Variants in GALNT11 observed in about 807,000 individuals in gnomAD.
GALNT11 encodes polypeptide N-acetylgalactosaminyltransferase 11, also known as UDP-GalNAc:polypeptide N-acetylgalactosaminyltransferase 11.
GALNT11 carries 47 observed loss-of-function variants against 72.7 expected under a neutral mutation model. That is an observed-to-expected ratio of 0.65 (90% CI 0.51 to 0.82). The LOEUF (loss-of-function observed/expected upper bound fraction) is 0.82. Ranked by LOEUF, GALNT11 falls within the 40% of genes least tolerant of loss-of-function variation. The probability of loss-of-function intolerance (pLI) is 0.00; values close to 1 mark genes in which losing one functional copy is unlikely to be tolerated. For missense variants in GALNT11, 677 were observed against 778.4 expected, an observed-to-expected ratio of 0.87 and a Z score of 1.55; for synonymous variants, 270 against 286.6, an observed-to-expected ratio of 0.94 and a Z score of 0.58.
intron 1 of GALNT11, among the ~76,000 whole-genome samples, chr7:152,030,363 C>T (rs1046312852): frequency 1.8e-4 from 27 of 152,110 alleles, no homozygotes; most frequent in African/African-American, 6.3e-4. Flanking sequence ...CACTATGTCC[C>T]CTCAGCTCCT....
intron 1 of GALNT11, among the ~76,000 whole-genome samples, chr7:152,083,405 A>G (rs1299401364): frequency 6.6e-6 from 1 of 152,136 alleles, no homozygotes; most frequent in Non-Finnish European, 1.5e-5. Context: ...ATTTAGTTGA[A>G]AGTCATTCAT....
chr7:152,105,401 G>GT, intron 5 of GALNT11, 31 bp downstream of exon 5: 1 of 1,599,230 alleles, frequency 6.3e-7, no homozygotes, highest in East Asian at 2.2e-5. Context: ...TGCTCTACAG[G>GT]TGTTGGATGA....
At chr7:152,107,671 C>T (rs1279556842) in intron 5 of GALNT11, 3 of 179,844 alleles carry the variant, frequency 1.7e-5, no homozygotes, top group Non-Finnish European at 3.6e-5. Context: ...AACTGGCCAC[C>T]GTCATGGCAC....
chr7:152,086,181 C>A (rs971573689), intron 1 of GALNT11, among the ~76,000 whole-genome samples: 3 of 151,932 alleles, frequency 2.0e-5, no homozygotes, highest in Non-Finnish European at 4.4e-5. Flanking sequence ...CCACCACACC[C>A]GGCCCAATTT....
chr7:152,077,735 A>G lies in GALNT11; in HGVS notation c.-38-16455A>G, dbSNP rs546465498. On this transcript the variant is annotated intron_variant, in intron 1 of 11. Transcript: ENST00000430044. ...AATTATTTCTGAAATGATTTTTCAA[A>G]TAGTGTCCACCATACCACCAAGTCA... is the stretch of plus-strand genomic sequence containing the variant. Among the ~76,000 whole-genome samples the G allele has an allele frequency of 7.2e-5, 11 of 152,258 alleles. No homozygotes were observed. The East Asian group carries it at 9.7e-4, about 13-fold the overall frequency.
At chr7:152,047,402 T>C (rs2083183100) in intron 1 of GALNT11, among the ~76,000 whole-genome samples, 2 of 152,052 alleles carry the variant, frequency 1.3e-5, no homozygotes, top group Non-Finnish European at 2.9e-5. Context: ...AAGCGGAGGT[T>C]GTAGTGAGCC....
In GALNT11 at chr7:152,099,530, GTTTTTTTTTTTTTTTTTT is replaced by G. The variant is rs1009548038; in HGVS notation, c.296-1256_296-1239del. Among the ~76,000 whole-genome samples the G allele has an allele frequency of 3.3e-4, 19 of 57,784 alleles. No homozygotes were observed. In the South Asian group the frequency reaches 8.6e-3, roughly 26 times the overall value. 37.9% of individuals were successfully genotyped at this position (57,784 alleles called of 152,430 possible). A position where few individuals can be genotyped will look rare whatever the true frequency, so the allele number is the denominator to read the frequency against. Reference sequence around the variant, plus strand: ...GGGAATGCACCACCACTCCCGCCTAGTTTTTTTTTTTTTTTTTTTTTTTTTTTTTGTATTTTTAGTAGA... The same window carrying G: ...GGGAATGCACCACCACTCCCGCCTAGTTTTTTTTTTTGTATTTTTAGTAGA... On this transcript the variant is annotated intron_variant, in intron 2 of 11. Coordinates refer to ENST00000430044, the MANE Select transcript of GALNT11 (RefSeq NM_022087.4).
intron 5 of GALNT11, among the ~76,000 whole-genome samples, 164 bp downstream of exon 5, chr7:152,105,534 G>A (rs527348871): frequency 6.6e-6 from 1 of 152,312 alleles, no homozygotes; most frequent in East Asian, 1.9e-4. Flanking sequence ...TGTTCATAAC[G>A]CCAAGCCTGC....
At chr7:152,114,867 G>T (rs900027238) in intron 8 of GALNT11, among the ~76,000 whole-genome samples, 3 of 152,078 alleles carry the variant, frequency 2.0e-5, no homozygotes, top group African/African-American at 7.2e-5. Context: ...AACATTTGTT[G>T]TGCACCTCCT....
chr7:152,105,142 T>C, intron 4 of GALNT11, 103 bp from the exon 5 acceptor site: 1 of 1,222,044 alleles, frequency 8.2e-7, no homozygotes. Context: ...CTTGATAGTT[T>C]GTTGTAAATT....
chr7:152,076,896 A>G (rs1045658677), intron 1 of GALNT11, among the ~76,000 whole-genome samples: 3 of 152,248 alleles, frequency 2.0e-5, no homozygotes, highest in Admixed American at 6.5e-5. Flanking sequence ...TTAATTTTCT[A>G]TACAGTTCAC....
intron 1 of GALNT11, among the ~76,000 whole-genome samples, chr7:152,055,520 CGTGTGTGTGTGTGTGTGTGTGTGTGTGT>C (rs3031460): frequency 7.3e-6 from 1 of 136,444 alleles, no homozygotes; most frequent in African/African-American, 2.7e-5. Flanking sequence ...ATATATAAAG[CGTGTGTGTGTGTGTGTGTGTGTGTGTGT>C]GTGTGTGTGT....
chr7:152,060,301 C>T (rs557758490), intron 1 of GALNT11, among the ~76,000 whole-genome samples: 3 of 152,268 alleles, frequency 2.0e-5, no homozygotes, highest in South Asian at 4.1e-4. Flanking sequence ...TCTCCATATC[C>T]GCATTGATGC....
intron 1 of GALNT11, among the ~76,000 whole-genome samples, chr7:152,047,292 GA>G (rs2083177347): frequency 6.6e-6 from 1 of 152,062 alleles, no homozygotes; most frequent in Non-Finnish European, 1.5e-5. Context: ...CTAACATGGT[GA>G]AACCCTATCT....
intron 1 of GALNT11, among the ~76,000 whole-genome samples, chr7:152,040,241 GA>G (rs1267616095): frequency 2.0e-5 from 3 of 151,766 alleles, no homozygotes; most frequent in Admixed American, 6.6e-5. Context: ...ATGTAGCCCA[GA>G]CAAAGTGAGA....
At position 152,069,997 on chromosome 7, in the gene GALNT11, C is replaced by CTTT. The variant is rs879494057; in HGVS notation, c.-38-24190_-38-24188dup. On this transcript the variant is annotated intron_variant, in intron 1 of 11. Transcript: ENST00000430044. ...TCTTTCTTTTTTCTTTTTTCTTTTT[C>CTTT]TTTTTCTTTTTTTTTTTGAGACAGA... Among the ~76,000 whole-genome samples, 165 of 143,454 alleles carry CTTT rather than the reference C, an allele frequency of 1.2e-3. 4 individuals are homozygous for CTTT. Among genetic ancestry groups the CTTT allele is most frequent in the South Asian group, 4.1e-3 (19 of 4,646 alleles). 94.1% of individuals were successfully genotyped at this position (143,454 alleles called of 152,430 possible).
intron 6 of GALNT11, among the ~76,000 whole-genome samples, chr7:152,108,564 C>T (rs2087836626): frequency 6.6e-6 from 1 of 152,138 alleles, no homozygotes; most frequent in South Asian, 2.1e-4. Context: ...CTGGGAGGGC[C>T]CCGTGTGGTG....
intron 1 of GALNT11, among the ~76,000 whole-genome samples, chr7:152,090,860 G>A (rs2085978540): frequency 6.6e-6 from 1 of 152,066 alleles, no homozygotes; most frequent in Non-Finnish European, 1.5e-5. Context: ...TTAACACAGT[G>A]TTCCCAGCTG....
intron 3 of GALNT11, among the ~76,000 whole-genome samples, chr7:152,101,716 C>A (rs1248420440): frequency 6.6e-6 from 1 of 151,592 alleles, no homozygotes; most frequent in Non-Finnish European, 1.5e-5. Context: ...TCACTATAAC[C>A]TCCACCTCCC....
Sources: allele counts gnomAD v4.1 joint callset (sites outside exome capture counted in the v4.1 genomes callset), GRCh38; gene constraint gnomAD v4.1.1; transcripts MANE v1.5; gene names NCBI Gene and HGNC (gene_info 2026-07-23, HGNC 2026-07-21).